The following SYNDIG1L variants were observed in gnomAD, a reference collection of about 807,000 sequenced individuals.
SYNDIG1L encodes synapse differentiation-inducing gene protein 1-like.
SYNDIG1L carries 13 observed loss-of-function variants against 20.1 expected under a neutral mutation model. The observed-to-expected ratio is 0.65, with a 90% CI of 0.42 to 1.03. The LOEUF (loss-of-function observed/expected upper bound fraction) is 1.03, where lower values mean the gene tolerates loss of function less well. Ranked by LOEUF, SYNDIG1L falls within the 50% of genes least tolerant of loss-of-function variation. The pLI is 0.00. For missense variants in SYNDIG1L, 294 were observed against 305.1 expected (o/e 0.96, Z 0.27); for synonymous variants, 128 against 129.3 (o/e 0.99, Z 0.07).
chr14:74,440,976 T>A, the SYNDIG1L span, among the ~76,000 whole-genome samples: 5 of 152,216 alleles, frequency 3.3e-5, no homozygotes, highest in East Asian at 3.9e-4. Context: ...TCAGTTTTTT[T>A]ATCTGTAAAG....
At chr14:74,467,681 G>C in the SYNDIG1L span, among the ~76,000 whole-genome samples, 5 of 152,212 alleles carry the variant, frequency 3.3e-5, 1 homozygote, top group South Asian at 6.2e-4. Flanking sequence ...AAGTGCCCAA[G>C]AAAGGATGAG....
the SYNDIG1L span, among the ~76,000 whole-genome samples, chr14:74,465,387 C>T: frequency 1.3e-5 from 2 of 152,206 alleles, no homozygotes; most frequent in East Asian, 3.8e-4. Flanking sequence ...CCGGCTCATC[C>T]TACCTCTCCT....
the SYNDIG1L span, among the ~76,000 whole-genome samples, chr14:74,455,265 C>T: frequency 1.3e-5 from 2 of 152,304 alleles, no homozygotes; most frequent in East Asian, 3.9e-4. Flanking sequence ...GGGAGGCCAG[C>T]CTGGCTGAGG....
rs146643151 is a variant in SYNDIG1L at position 74,417,168 on chromosome 14, T to A, written c.-57-7367A>T. Among the ~76,000 whole-genome samples the A allele has an allele frequency of 4.7e-3, 713 of 152,196 alleles. 5 individuals carry two copies. The highest frequency in any genetic ancestry group is 0.034 in the Middle Eastern group (10 of 294). On this transcript the variant is annotated intron_variant, in intron 1 of 3. Transcript: ENST00000331628. ...TTTCTGAGATCACACAGCTAGAGAG[T>A]GGCAGAGCTCTATTTGACCCAAGTC...
chr14:74,433,672 A>G, the SYNDIG1L span, among the ~76,000 whole-genome samples: 1 of 152,202 alleles, frequency 6.6e-6, no homozygotes, highest in Non-Finnish European at 1.5e-5. Context: ...GGCGGGAGCC[A>G]CTGTGCCTGG....
chr14:74,411,219 T>C (rs1347052769), intron 1 of SYNDIG1L, among the ~76,000 whole-genome samples: 1 of 152,212 alleles, frequency 6.6e-6, no homozygotes, highest in Non-Finnish European at 1.5e-5. Context: ...TCTGTTTCCT[T>C]ATCTGTAAGG....
chr14:74,467,379 C>T, the SYNDIG1L span, among the ~76,000 whole-genome samples: 1 of 152,110 alleles, frequency 6.6e-6, no homozygotes, highest in Non-Finnish European at 1.5e-5. Flanking sequence ...TGAGAAGGGG[C>T]AATGTCCAAG....
intron 1 of SYNDIG1L, among the ~76,000 whole-genome samples, chr14:74,421,299 A>T (rs1158608155): frequency 6.6e-6 from 1 of 152,190 alleles, no homozygotes; most frequent in African/African-American, 2.4e-5. Context: ...ATAAAGTAAG[A>T]CCTTTCAATG....
the SYNDIG1L span, among the ~76,000 whole-genome samples, chr14:74,456,812 G>A: frequency 1.3e-5 from 2 of 152,058 alleles, no homozygotes; most frequent in East Asian, 3.9e-4. Flanking sequence ...GGCTCTCGGC[G>A]GCAGGATTCT....
chr14:74,442,042 C>T, the SYNDIG1L span, among the ~76,000 whole-genome samples: 1 of 152,136 alleles, frequency 6.6e-6, no homozygotes, highest in Admixed American at 6.5e-5. Context: ...GGGTACATGA[C>T]TTAACCTCTC....
chr14:74,414,169 A>T (rs1226178276), intron 1 of SYNDIG1L, among the ~76,000 whole-genome samples: 1 of 152,104 alleles, frequency 6.6e-6, no homozygotes, highest in East Asian at 1.9e-4. Flanking sequence ...TGCCTTCCAG[A>T]CCCTGTGTGG....
chr14:74,407,772 C>A, intron 3 of SYNDIG1L, 77 bp downstream of exon 3: 2 of 1,576,366 alleles, frequency 1.3e-6, no homozygotes, highest in Admixed American at 1.8e-5. Flanking sequence ...CCCCTGACCC[C>A]ATCCTGCAGA....
At chr14:74,456,735 G>A in the SYNDIG1L span, among the ~76,000 whole-genome samples, 2 of 152,104 alleles carry the variant, frequency 1.3e-5, no homozygotes, top group Non-Finnish European at 1.5e-5. Context: ...CTGTCCAGGA[G>A]CCTGGTGTGT....
the SYNDIG1L span, among the ~76,000 whole-genome samples, chr14:74,475,577 CTCTT>C: frequency 2.0e-5 from 3 of 151,954 alleles, no homozygotes; most frequent in Admixed American, 1.3e-4. Flanking sequence ...CTCTCTCTCT[CTCTT>C]TCTCTGGTGC....
At chr14:74,452,606 C>G in the SYNDIG1L span, among the ~76,000 whole-genome samples, 1 of 152,162 alleles carries the variant, frequency 6.6e-6, no homozygotes, top group South Asian at 2.1e-4. Context: ...TGCCCAGTCT[C>G]GGGTATGTCT....
the SYNDIG1L span, among the ~76,000 whole-genome samples, chr14:74,447,620 A>G: frequency 6.6e-6 from 1 of 152,260 alleles, no homozygotes; most frequent in South Asian, 2.1e-4. Flanking sequence ...AATTACAGTG[A>G]AAAACTAGAC....
At chr14:74,454,567 G>T in the SYNDIG1L span, among the ~76,000 whole-genome samples, 1 of 152,328 alleles carries the variant, frequency 6.6e-6, no homozygotes, top group East Asian at 1.9e-4. Flanking sequence ...AAAACCTGGA[G>T]CCAACACAAC....
the SYNDIG1L span, among the ~76,000 whole-genome samples, chr14:74,462,357 G>A: frequency 2.6e-5 from 4 of 151,494 alleles, no homozygotes; most frequent in East Asian, 2.0e-4. Flanking sequence ...GGTGGTGCAC[G>A]CCTGTAGTTC....
intron 1 of SYNDIG1L, among the ~76,000 whole-genome samples, chr14:74,421,095 GA>G (rs973271019): frequency 6.6e-6 from 1 of 151,574 alleles, no homozygotes; most frequent in African/African-American, 2.4e-5. Context: ...TCAAGTTACA[GA>G]AAAAAAACTT....
Sources: allele counts gnomAD v4.1 joint callset (sites outside exome capture counted in the v4.1 genomes callset), GRCh38; gene constraint gnomAD v4.1.1; transcripts MANE v1.5; gene names NCBI Gene and HGNC (gene_info 2026-07-23, HGNC 2026-07-21).